The following SFMBT2 variants were observed in gnomAD, a reference collection of about 807,000 sequenced individuals.
SFMBT2 encodes the protein scm-like with four MBT domains protein 2.
SFMBT2 carries 38 observed loss-of-function variants against 110.1 expected under a neutral mutation model. The observed-to-expected ratio is 0.35, with a 90% confidence interval of 0.27 to 0.45. The LOEUF (loss-of-function observed/expected upper bound fraction) is 0.45. Among genes scored for constraint, SFMBT2 ranks in the 20% least tolerant of loss-of-function variants. SFMBT2 has a pLI of 1.00. For missense variants in SFMBT2, 1,011 were observed against 1,094.9 expected (o/e 0.92, Z 1.08); for synonymous variants, 425 against 425.4 (o/e 1.00, Z 0.01).
At chr10:7,378,718 C>T (rs1377592599) in intron 2 of SFMBT2, among the ~76,000 whole-genome samples, 6 of 124,504 alleles carry the variant, frequency 4.8e-5, no homozygotes, top group African/African-American at 1.9e-4. Flanking sequence ...GTGTGTGTGG[C>T]TGTGGGGTGG....
chr10:7,378,621 AGTGGATGGATGG>A (rs1220982525), intron 2 of SFMBT2, among the ~76,000 whole-genome samples: 15 of 45,918 alleles, frequency 3.3e-4, no homozygotes, highest in Admixed American at 8.0e-4. Context: ...GTGTGGGTTG[AGTGGATGGATGG>A]GTGGATGGAT....
chr10:7,383,998 G>A (rs974056205), intron 1 of SFMBT2, among the ~76,000 whole-genome samples: 4 of 151,890 alleles, frequency 2.6e-5, no homozygotes, highest in African/African-American at 9.7e-5. Context: ...ATCATCTGAG[G>A]TTAGGAGTTC....
chr10:7,381,710 A>T, intron 2 of SFMBT2, 89 bp downstream of exon 2: 2 of 1,376,078 alleles, frequency 1.5e-6, no homozygotes, highest in Non-Finnish European at 1.0e-6. Flanking sequence ...GAGATCTACA[A>T]ATGTTGCCCC....
chr10:7,349,665 G>A (rs1588470419), intron 4 of SFMBT2, among the ~76,000 whole-genome samples: 1 of 151,706 alleles, frequency 6.6e-6, no homozygotes, highest in South Asian at 2.1e-4. Flanking sequence ...TGCCATATTG[G>A]GCAGGCTGGT....
rs752864203 is a variant in SFMBT2, at chr10:7,243,606, G to A, written c.1072C>T (p.Pro358Ser). ...LCHADSLGILPVQWCLKNGVS... is the reference protein window; with the variant it reads ...LCHADSLGILSVQWCLKNGVS... ...CCATTTTTAAGGCACCACTGTACTGGCAAAATCCCCAAAGAATCTGCATGG... is the reference window on the plus strand; with the variant it reads ...CCATTTTTAAGGCACCACTGTACTGACAAAATCCCCAAAGAATCTGCATGG... Residue 358 changes from proline to serine, a missense_variant, in exon 9 of 21, where the codon CCA (proline) becomes TCA (serine). Coordinates refer to ENST00000397167, the MANE Select transcript of SFMBT2 (RefSeq NM_001387889.1). 8.2e-5 allele frequency: 72 copies of A among 872,764 alleles called. No individual in the cohort carries two copies. The highest frequency in any genetic ancestry group is 8.0e-6 in the Non-Finnish European group (4 of 501,664). 54.1% of individuals were successfully genotyped at this position (872,764 alleles called of 1,614,324 possible). A position where few individuals can be genotyped will look rare whatever the true frequency, so the allele number is the denominator to read the frequency against.
At position 7,170,670 on chromosome 10, in the gene SFMBT2, G is replaced by A. The variant is rs986787219; in HGVS notation, c.2544+258C>T. Among the ~76,000 whole-genome samples, 1 of 152,070 alleles carries A rather than the reference G, an allele frequency of 6.6e-6. No individual in the cohort carries two copies. Among genetic ancestry groups the A allele is most frequent in the African/African-American group, 2.4e-5 (1 of 41,428 alleles). ...CCACCCCTGCTGGGTGGTGTCACTA[G>A]AGCCTGGAAGAGTCACCCCTCCGCC... On this transcript the variant is annotated intron_variant, in intron 20 of 20. Coordinates refer to ENST00000397167, the MANE Select transcript of SFMBT2 (RefSeq NM_001387889.1). This position sits in a 1 kb window ranked among gnomAD's most constrained non-coding sequence, Gnocchi z 4.6.
chr10:7,281,386 C>T (rs985323346), intron 6 of SFMBT2, among the ~76,000 whole-genome samples: 2 of 151,960 alleles, frequency 1.3e-5, no homozygotes, highest in Admixed American at 1.3e-4. Flanking sequence ...CCCTGCACAC[C>T]CCCCTCCCAC....
chr10:7,210,126 CG>C (rs1476107140), intron 11 of SFMBT2, among the ~76,000 whole-genome samples: 2 of 152,168 alleles, frequency 1.3e-5, no homozygotes, highest in Non-Finnish European at 2.9e-5. Context: ...CCCTTGTCCC[CG>C]GTTCAGCAGG....
At chr10:7,282,857 A>G (rs750451914) in intron 6 of SFMBT2, among the ~76,000 whole-genome samples, 1 of 136,760 alleles carries the variant, frequency 7.3e-6, no homozygotes, top group African/African-American at 2.8e-5. Context: ...ATACAGCTAC[A>G]AAACTCACCG....
At chr10:7,258,232 T>G (rs1841091955) in intron 7 of SFMBT2, among the ~76,000 whole-genome samples, 1 of 152,186 alleles carries the variant, frequency 6.6e-6, no homozygotes, top group African/African-American at 2.4e-5. Flanking sequence ...CGTGCCTGGC[T>G]CCAGGAACCA....
rs1227011133 is a variant in SFMBT2, at chr10:7,179,852, A to T, written c.1809-3687T>A. ...CACGGAAACAAGTGTTTCAGTAAAA[A>T]CTTTCACAATAGGGAAAAGCCCATC... On this transcript the variant is annotated intron_variant, in intron 16 of 20. Transcript: ENST00000397167. Among the ~76,000 whole-genome samples, 5 of 152,328 alleles carry T rather than the reference A, an allele frequency of 3.3e-5. No individual in the cohort carries two copies. In the South Asian group the frequency reaches 8.3e-4, roughly 25 times the overall value.
At chr10:7,200,894 C>T (rs1838933807) in intron 13 of SFMBT2, 2 of 599,592 alleles carry the variant, frequency 3.3e-6, no homozygotes, top group African/African-American at 4.0e-5. Flanking sequence ...TTCCACTAAC[C>T]TTTGATTTCT....
Position 7,204,948 on chromosome 10 carries a change from G to A in SFMBT2, c.1444+867C>T, listed in dbSNP as rs185653260. The A allele has an allele frequency of 1.7e-3, 1,702 of 984,730 alleles. 3 individuals carry two copies. Among genetic ancestry groups the A allele is most frequent in the Non-Finnish European group, 1.7e-3 (1,400 of 829,370 alleles). The allele number at this position is 984,730 out of a possible 1,614,324, so 61.0% of individuals were successfully genotyped here. A position where few individuals can be genotyped will look rare whatever the true frequency, so the allele number is the denominator to read the frequency against. Reference sequence around the variant, plus strand: ...TGTGTGCACACATGTATGAATGGGCGTTTACTGCTGGGTTAACTGTTAATA... The same window carrying A: ...TGTGTGCACACATGTATGAATGGGCATTTACTGCTGGGTTAACTGTTAATA... On this transcript the variant is annotated intron_variant, in intron 12 of 20. Transcript: ENST00000397167.
chr10:7,313,461 G>T (rs974484761), intron 4 of SFMBT2, among the ~76,000 whole-genome samples: 1 of 152,116 alleles, frequency 6.6e-6, no homozygotes, highest in Non-Finnish European at 1.5e-5. Context: ...GGGAGTACAG[G>T]TGAATGCCAC....
Position 7,302,092 on chromosome 10 carries a change from A to G in SFMBT2, c.437-16138T>C, listed in dbSNP as rs537765484. Reference sequence around the variant, plus strand: ...ACAAATCCTCTGGCAAGGTAATTCCATGACCTACCTTGATAACTCGCTTTC... The same window carrying G: ...ACAAATCCTCTGGCAAGGTAATTCCGTGACCTACCTTGATAACTCGCTTTC... On this transcript the variant is annotated intron_variant, in intron 4 of 20. Transcript: ENST00000397167. Among the ~76,000 whole-genome samples, 7 of 152,302 alleles carry G rather than the reference A, an allele frequency of 4.6e-5. No individual in the cohort carries two copies. The East Asian group carries it at 1.4e-3, about 29-fold the overall frequency.
chr10:7,167,867 C>T (rs1292770849), intron 20 of SFMBT2, among the ~76,000 whole-genome samples: 1 of 152,042 alleles, frequency 6.6e-6, no homozygotes, highest in African/African-American at 2.4e-5. Flanking sequence ...AAAGGCAAGG[C>T]TTTTACTAAT....
At chr10:7,242,311 T>A (rs1840456666) in intron 9 of SFMBT2, among the ~76,000 whole-genome samples, 1 of 152,174 alleles carries the variant, frequency 6.6e-6, no homozygotes, top group South Asian at 2.1e-4. Context: ...AAAGCCAGTG[T>A]GTACCAACAG....
intron 8 of SFMBT2, among the ~76,000 whole-genome samples, chr10:7,244,835 GTAAA>G (rs957122498): frequency 4.6e-5 from 7 of 152,144 alleles, no homozygotes; most frequent in Non-Finnish European, 7.3e-5. Flanking sequence ...GCTAATTTTG[GTAAA>G]TAGTTTACTG....
chr10:7,260,730 G>C (rs1382473433), intron 7 of SFMBT2, among the ~76,000 whole-genome samples: 1 of 151,986 alleles, frequency 6.6e-6, no homozygotes, highest in African/African-American at 2.4e-5. Flanking sequence ...TTTGGCAAGG[G>C]GCAGGGGCAG....
Sources: gnomAD v4.1 joint callset for allele counts (sites outside exome capture counted in the v4.1 genomes callset) on GRCh38, gnomAD v4.1.1 for gene constraint, Gnocchi (gnomAD v3.1) non-coding constraint, MANE v1.5 for transcripts, NCBI Gene and HGNC (gene_info 2026-07-23, HGNC 2026-07-21) for gene names.